The following RAC1 variants were observed in gnomAD, a reference collection of about 807,000 sequenced individuals.
The protein encoded by RAC1 is ras-related C3 botulinum toxin substrate 1.
A neutral mutation model predicts 25.2 loss-of-function variants in RAC1; 2 were observed. The observed-to-expected ratio is 0.08, with a 90% CI of 0.03 to 0.25. The LOEUF (loss-of-function observed/expected upper bound fraction) is 0.25, where lower values mean the gene tolerates loss of function less well. RAC1 is among the 10% of genes least tolerant of loss of function. The pLI is 1.00. For missense variants in RAC1, 50 were observed against 235.7 expected, an observed-to-expected ratio of 0.21 and a Z score of 5.16; for synonymous variants, 88 against 94.0, an observed-to-expected ratio of 0.94 and a Z score of 0.37.
chr7:6,391,837 T>A, intron 2 of RAC1, 87 bp from the exon 3 acceptor site: 1 of 1,593,000 alleles, frequency 6.3e-7, no homozygotes, highest in Non-Finnish European at 8.6e-7. Context: ...GTCCCCAGCC[T>A]TTTTCTTGGC....
intron 1 of RAC1, among the ~76,000 whole-genome samples, chr7:6,386,579 C>T (rs1260533064): frequency 1.3e-5 from 2 of 151,816 alleles, no homozygotes; most frequent in African/African-American, 2.4e-5. Flanking sequence ...GTCAGGAGTT[C>T]GAGACCAGCC....
intron 1 of RAC1, among the ~76,000 whole-genome samples, chr7:6,380,374 CATA>C (rs1782730990): frequency 9.0e-6 from 1 of 110,708 alleles, no homozygotes; most frequent in African/African-American, 5.5e-5. Context: ...AAAAATTATA[CATA>C]ATGTGTGTGT....
intron 5 of RAC1, 135 bp from the exon 6 acceptor site, chr7:6,402,181 T>G: frequency 6.9e-7 from 1 of 1,457,410 alleles, no homozygotes. Context: ...GGTCTTAACG[T>G]CAGCGTTGGA....
rs1379262545 is a variant in RAC1 at position 6,401,851 on chromosome 7, TC to T, written c.289-15del. 3 of 1,607,646 alleles carry T rather than the reference TC, an allele frequency of 1.9e-6. No homozygotes were observed. The highest frequency in any genetic ancestry group is 2.5e-6 in the Non-Finnish European group (3 of 1,176,546). On this transcript the variant is annotated splice_polypyrimidine_tract_variant and intron_variant, in intron 4 of 5. Coordinates refer to ENST00000348035, the MANE Select transcript of RAC1 (RefSeq NM_006908.5). ...TAAAGGAGCGTGTCACAACCTCTGT[TC>T]CTTCTTCACATCTAGTGGTATCCTG...
chr7:6,403,132 G>C lies in RAC1; in HGVS notation c.*686G>C, dbSNP rs557006972. The stretch of plus-strand genomic sequence containing the variant: ...TTCTGTTTAGCTGTGGGTGTGCCGG[G>C]TGGGGTGTGTGTGATCAAAGGACAA... On this transcript the variant is annotated 3_prime_UTR_variant, in exon 6 of 6. Coordinates refer to ENST00000348035, the MANE Select transcript of RAC1 (RefSeq NM_006908.5). The C allele has an allele frequency of 4.7e-6, 1 of 214,958 alleles. No individual in the cohort carries two copies. The highest frequency in any genetic ancestry group is 9.4e-6 in the Non-Finnish European group (1 of 106,390). 13.3% of individuals were successfully genotyped at this position (214,958 alleles called of 1,614,324 possible).
chr7:6,397,371 T>C lies in RAC1; in HGVS notation c.226-2755T>C, dbSNP rs550740832. Among the ~76,000 whole-genome samples, 13 of 152,094 alleles carry C rather than the reference T, an allele frequency of 8.5e-5. No homozygotes were observed. In the South Asian group the frequency reaches 2.7e-3, roughly 32 times the overall value. ...GTGCAGTGTCACAATCTCGCCTCACTGCAACCTCCACCTCCCGGGTTCAAG... is the reference window on the plus strand; with the variant it reads ...GTGCAGTGTCACAATCTCGCCTCACCGCAACCTCCACCTCCCGGGTTCAAG... On this transcript the variant is annotated intron_variant, in intron 3 of 5. Transcript: ENST00000348035.
At chr7:6,387,344 A>T (rs2115193400) in intron 2 of RAC1, 61 bp downstream of exon 2, 3 of 1,252,150 alleles carry the variant, frequency 2.4e-6, no homozygotes, top group Non-Finnish European at 3.4e-6. Flanking sequence ...TTCTTTGACC[A>T]TTTGTTTTGC....
intron 1 of RAC1, among the ~76,000 whole-genome samples, chr7:6,381,987 C>T (rs1420671907): frequency 1.3e-5 from 2 of 151,970 alleles, no homozygotes; most frequent in Non-Finnish European, 1.5e-5. Context: ...TCCTTAAGAT[C>T]TACATACTTT....
intron 3 of RAC1, 102 bp from the exon 4 acceptor site, chr7:6,400,024 C>G (rs1000032888): frequency 6.7e-6 from 7 of 1,051,970 alleles, no homozygotes; most frequent in Non-Finnish European, 1.0e-5. Context: ...GGTAGACACG[C>G]TCTGCGTCCA....
intron 1 of RAC1, among the ~76,000 whole-genome samples, chr7:6,380,992 C>A (rs1158143759): frequency 6.6e-6 from 1 of 152,114 alleles, no homozygotes; most frequent in African/African-American, 2.4e-5. Flanking sequence ...CCTCAGCCTC[C>A]TGAGTAGCTG....
intron 3 of RAC1, among the ~76,000 whole-genome samples, chr7:6,396,962 C>T (rs112071215): frequency 0.16 from 23,421 of 146,082 alleles, 2,102 homozygotes; most frequent in Admixed American, 0.24. Context: ...ACCTGGGAGG[C>T]GGAGCTTGCA....
At chr7:6,401,248 G>A (rs903483509) in intron 4 of RAC1, among the ~76,000 whole-genome samples, 5 of 152,190 alleles carry the variant, frequency 3.3e-5, no homozygotes, top group African/African-American at 7.2e-5. Flanking sequence ...GAGCCACTAT[G>A]CCCGGCCTAA....
chr7:6,383,082 C>T (rs749757423), intron 1 of RAC1, among the ~76,000 whole-genome samples: 1 of 152,034 alleles, frequency 6.6e-6, no homozygotes. Context: ...TGACATTGCT[C>T]GATGATTGAA....
intron 1 of RAC1, 40 bp downstream of exon 1, chr7:6,374,810 C>T: frequency 9.1e-7 from 1 of 1,099,250 alleles, no homozygotes; most frequent in East Asian, 5.5e-5. Flanking sequence ...GCCGCGGGAT[C>T]GGGCGCGGAG....
chr7:6,382,420 G>A (rs1782793112), intron 1 of RAC1, among the ~76,000 whole-genome samples: 1 of 152,212 alleles, frequency 6.6e-6, no homozygotes, highest in Admixed American at 6.5e-5. Flanking sequence ...GCAGAAAGTT[G>A]TTATTTTTTG....
chr7:6,401,705 T>C (rs2115217003), intron 4 of RAC1, 163 bp from the exon 5 acceptor site: 3 of 626,600 alleles, frequency 4.8e-6, no homozygotes, highest in South Asian at 4.2e-5. Flanking sequence ...ATGTTCCTTA[T>C]GGCTCAAGGC....
chr7:6,402,526 A>AAAAAAAAAAAAAAAAAAC lies in RAC1; in HGVS notation c.*91_*92insAAAAAACAAAAAAAAAAA, dbSNP rs1562471619. Reference sequence around the variant, plus strand: ...TCAAAAAAAAACAAAAAAAAAAAACAAAAAAAAAAAACAACGGTGGAGCCT... The same window carrying AAAAAAAAAAAAAAAAAAC: ...TCAAAAAAAAACAAAAAAAAAAAACAAAAAAAAAAAAAAAAAACAAAAAAAAAAACAACGGTGGAGCCT... On this transcript the variant is annotated 3_prime_UTR_variant, in exon 6 of 6. Coordinates refer to ENST00000348035, the MANE Select transcript of RAC1 (RefSeq NM_006908.5). The AAAAAAAAAAAAAAAAAAC allele has an allele frequency of 1.3e-5, 9 of 703,984 alleles. No individual in the cohort carries two copies. Among genetic ancestry groups the AAAAAAAAAAAAAAAAAAC allele is most frequent in the Admixed American group, 6.8e-5 (1 of 14,662 alleles). The allele number at this position is 703,984 out of a possible 1,614,324, so 43.6% of individuals were successfully genotyped here. A position where few individuals can be genotyped will look rare whatever the true frequency, so the allele number is the denominator to read the frequency against.
Position 6,378,340 on chromosome 7 carries a change from G to T in RAC1, c.35+3570G>T, listed in dbSNP as rs552015549. Among the ~76,000 whole-genome samples the T allele has an allele frequency of 1.1e-4, 16 of 152,206 alleles. No homozygotes were observed. In the East Asian group the frequency reaches 3.1e-3, roughly 29 times the overall value. The stretch of plus-strand genomic sequence containing the variant: ...GCAGGCGGATCACCTGAGGTCAGGA[G>T]CTCGAGACCAGCCTGGCCAACATGG... On this transcript the variant is annotated intron_variant, in intron 1 of 5. Coordinates refer to ENST00000348035, the MANE Select transcript of RAC1 (RefSeq NM_006908.5).
intron 1 of RAC1, among the ~76,000 whole-genome samples, chr7:6,386,329 G>C (rs1022033169): frequency 1.3e-5 from 2 of 152,100 alleles, no homozygotes; most frequent in Admixed American, 1.3e-4. Flanking sequence ...AGTTACGTGT[G>C]GTAGTTTATT....
Sources: allele counts gnomAD v4.1 joint callset (sites outside exome capture counted in the v4.1 genomes callset), GRCh38; gene constraint gnomAD v4.1.1; transcripts MANE v1.5; gene names NCBI Gene and HGNC (gene_info 2026-07-23, HGNC 2026-07-21).